TRNT1: variants seen among roughly 807,000 people sequenced by gnomAD.
TRNT1 encodes the protein CCA tRNA nucleotidyltransferase 1, mitochondrial.
Under a neutral mutation model 45.6 loss-of-function variants are expected in TRNT1, and 44 were observed. The ratio of observed to expected loss-of-function variants is 0.97; its 90% CI spans 0.76 to 1.24. TRNT1 has a LOEUF of 1.24. Ranked by LOEUF, TRNT1 falls within the 50% of genes most tolerant of loss-of-function variation. The pLI, the probability that TRNT1 is intolerant of heterozygous loss-of-function variation, is 0.00. For synonymous variants in TRNT1, 201 were observed against 171.4 expected, an observed-to-expected ratio of 1.17 and a Z score of -1.35; for missense variants, 633 against 504.4, an observed-to-expected ratio of 1.25 and a Z score of -2.44.
downstream of TRNT1, chr3:3,152,414 G>T (rs1706629114): frequency 6.3e-7 from 1 of 1,584,886 alleles, no homozygotes; most frequent in African/African-American, 1.4e-5. Flanking sequence ...CCCAATTAAG[G>T]TAAAAAAAGA....
chr3:3,128,023 G>A (rs903999093), intron 1 of TRNT1: 1 of 152,222 alleles, frequency 6.6e-6, no homozygotes, highest in Non-Finnish European at 1.5e-5. Flanking sequence ...TACCTTGTAA[G>A]TTGTATGTTT....
intron 3 of TRNT1, among the ~76,000 whole-genome samples, chr3:3,139,575 C>A (rs1261425417): frequency 6.6e-6 from 1 of 152,218 alleles, no homozygotes; most frequent in African/African-American, 2.4e-5. Context: ...GTCATCTCTT[C>A]TCTTCATTTG....
chr3:3,153,199 T>G, downstream of TRNT1: 1 of 480,158 alleles, frequency 2.1e-6, no homozygotes, highest in Non-Finnish European at 3.8e-6. Flanking sequence ...TCAGTTGTTT[T>G]ACTTTACCAT....
In TRNT1 at chr3:3,148,193, AC is replaced by A; in HGVS notation, c.*40del. Reference sequence around the variant, plus strand: ...TAAAAAGCAGAGCATTTCTGGTAAGACTAAATTTTCTCCCCTCCCTCTTAAT... The same window carrying A: ...TAAAAAGCAGAGCATTTCTGGTAAGATAAATTTTCTCCCCTCCCTCTTAAT... On this transcript the variant is annotated 3_prime_UTR_variant, in exon 8 of 8. Transcript: ENST00000251607. 6.3e-7 allele frequency: 1 copy of A among 1,594,674 alleles called. No homozygotes were observed. The highest frequency in any genetic ancestry group is 8.5e-7 in the Non-Finnish European group (1 of 1,172,054).
At chr3:3,135,909 G>A (rs892784393) in intron 2 of TRNT1, among the ~76,000 whole-genome samples, 1 of 152,164 alleles carries the variant, frequency 6.6e-6, no homozygotes, top group Non-Finnish European at 1.5e-5. Flanking sequence ...CTCAGTAAGA[G>A]GGCTTTAGAA....
intron 5 of TRNT1, 148 bp downstream of exon 5, chr3:3,144,858 A>AT (rs1464117317): frequency 6.4e-6 from 4 of 622,022 alleles, no homozygotes; most frequent in South Asian, 8.4e-5. Flanking sequence ...CCTATGACTT[A>AT]TGAGTGAAAA....
chr3:3,139,870 G>T (rs1220026883), intron 3 of TRNT1, among the ~76,000 whole-genome samples: 2 of 152,080 alleles, frequency 1.3e-5, no homozygotes, highest in Non-Finnish European at 2.9e-5. Context: ...AGGACCACAG[G>T]CATGCACCAC....
At chr3:3,152,450 T>C (rs375905223), downstream of TRNT1, 9 of 1,612,630 alleles carry the variant, frequency 5.6e-6, no homozygotes, top group African/African-American at 1.1e-4. Context: ...ACCACCATAA[T>C]ATTACCCAGG....
chr3:3,144,481 T>A, intron 4 of TRNT1, 103 bp from the exon 5 acceptor site: 2 of 1,138,844 alleles, frequency 1.8e-6, no homozygotes, highest in South Asian at 2.7e-5. Flanking sequence ...CTGTTCACTC[T>A]GCTGAATTTT....
At position 3,147,448 on chromosome 3, in the gene TRNT1, A is replaced by G; in HGVS notation, c.803-2A>G. The G allele has an allele frequency of 6.2e-7, 1 of 1,612,782 alleles. No individual in the cohort carries two copies. The highest frequency in any genetic ancestry group is 8.5e-7 in the Non-Finnish European group (1 of 1,179,218). ...AGGTGAAAAATGCTTTTGTCCCTAC[A>G]GGTTTACCTGCTAATGCAAGTTTAG... On this transcript the variant is annotated splice_acceptor_variant, in intron 6 of 7. Coordinates refer to ENST00000251607, the MANE Select transcript of TRNT1 (RefSeq NM_182916.3). LOFTEE classifies it high-confidence loss of function.
intron 3 of TRNT1, among the ~76,000 whole-genome samples, chr3:3,140,206 A>C (rs1299800780): frequency 6.6e-6 from 1 of 152,174 alleles, no homozygotes; most frequent in East Asian, 1.9e-4. Flanking sequence ...ATTGAAGAAC[A>C]GTTTTGAGTT....
chr3:3,133,101 T>C (rs1173061428), intron 2 of TRNT1, among the ~76,000 whole-genome samples: 2 of 152,156 alleles, frequency 1.3e-5, no homozygotes, highest in East Asian at 3.9e-4. Flanking sequence ...TTTCAAATCT[T>C]AATAGCTGCT....
At chr3:3,147,845 TAA>T (rs1364891353) in intron 7 of TRNT1, 59 bp from the exon 8 acceptor site, 3 of 1,545,256 alleles carry the variant, frequency 1.9e-6, no homozygotes, top group African/African-American at 2.8e-5. Flanking sequence ...AATTTTAGGA[TAA>T]GATTGTAAGT....
At chr3:3,146,658 C>A in intron 6 of TRNT1, 35 bp downstream of exon 6, 6 of 1,482,722 alleles carry the variant, frequency 4.0e-6, no homozygotes, top group Non-Finnish European at 3.6e-6. Flanking sequence ...GAATTTTTGG[C>A]AGTGAAATAT....
At chr3:3,133,607 T>C (rs1173520610) in intron 2 of TRNT1, among the ~76,000 whole-genome samples, 4 of 151,746 alleles carry the variant, frequency 2.6e-5, no homozygotes. Flanking sequence ...GAGGCTGAAG[T>C]TCCCAATGCA....
chr3:3,149,114 C>G (rs1706285575), downstream of TRNT1: 1 of 151,962 alleles, frequency 6.6e-6, no homozygotes, highest in South Asian at 2.1e-4. Flanking sequence ...CATCTTTGTA[C>G]TCTATGAGCA....
chr3:3,152,569 C>G, downstream of TRNT1: 2 of 1,614,052 alleles, frequency 1.2e-6, no homozygotes, highest in Non-Finnish European at 1.7e-6. Flanking sequence ...AAGCTGCCAT[C>G]GGCCCACATA....
At chr3:3,151,400 G>GCAGT (rs1167226612), downstream of TRNT1, among the ~76,000 whole-genome samples, 2 of 152,112 alleles carry the variant, frequency 1.3e-5, no homozygotes, top group Admixed American at 6.6e-5. Flanking sequence ...TTGTTGTATT[G>GCAGT]CAGTCAAGTT....
At chr3:3,135,107 A>C (rs1705245431) in intron 2 of TRNT1, among the ~76,000 whole-genome samples, 1 of 152,166 alleles carries the variant, frequency 6.6e-6, no homozygotes. Flanking sequence ...TTTGCCATGT[A>C]GACATACAAA....
Sources: allele counts gnomAD v4.1 joint callset (sites outside exome capture counted in the v4.1 genomes callset), GRCh38; gene constraint gnomAD v4.1.1; transcripts MANE v1.5; gene names NCBI Gene and HGNC (gene_info 2026-07-23, HGNC 2026-07-21).